Variants in SLC14A2 observed in about 807,000 individuals in gnomAD.
The protein encoded by SLC14A2 is solute carrier family 14 member 2.
A neutral mutation model predicts 104.6 loss-of-function variants in SLC14A2; 91 were observed. That is an observed-to-expected ratio of 0.87 (90% CI 0.73 to 1.04). The LOEUF is 1.04. Ranked by LOEUF, SLC14A2 falls within the 50% of genes least tolerant of loss-of-function variation. The probability of loss-of-function intolerance (pLI) is 0.00; values close to 1 mark genes in which losing one functional copy is unlikely to be tolerated. For missense variants in SLC14A2, 1,189 were observed against 1,156.0 expected, an observed-to-expected ratio of 1.03 and a Z score of -0.41; for synonymous variants, 476 against 466.4, an observed-to-expected ratio of 1.02 and a Z score of -0.27.
chr18:45,544,513 A>G (rs1408500706), intron 2 of SLC14A2, among the ~76,000 whole-genome samples: 4 of 152,148 alleles, frequency 2.6e-5, no homozygotes, highest in Admixed American at 2.6e-4. Context: ...AAAACGACAC[A>G]AAAACATCAA....
intron 2 of SLC14A2, among the ~76,000 whole-genome samples, chr18:45,569,042 C>T (rs1457967876): frequency 1.3e-5 from 2 of 152,130 alleles, no homozygotes; most frequent in Non-Finnish European, 2.9e-5. Context: ...GAAGTGCCCA[C>T]CTCTCCCATT....
chr18:45,511,675 T>C (rs1466112637), intron 2 of SLC14A2, among the ~76,000 whole-genome samples: 1 of 152,142 alleles, frequency 6.6e-6, no homozygotes, highest in African/African-American at 2.4e-5. Context: ...GTGTATGTGT[T>C]TGAGAAAGAA....
At chr18:45,680,491 T>A (rs1428013087) in intron 19 of SLC14A2, among the ~76,000 whole-genome samples, 1 of 152,220 alleles carries the variant, frequency 6.6e-6, no homozygotes, top group African/African-American at 2.4e-5. Flanking sequence ...CACAATGTCA[T>A]CGAGGAACAG....
intron 1 of SLC14A2, among the ~76,000 whole-genome samples, chr18:45,363,161 G>A (rs1453285088): frequency 6.6e-6 from 1 of 152,016 alleles, no homozygotes; most frequent in Non-Finnish European, 1.5e-5. Flanking sequence ...ACCTTGAATA[G>A]TCCCTTTTTA....
At chr18:45,183,157 C>T in the SLC14A2 span, among the ~76,000 whole-genome samples, 1 of 152,186 alleles carries the variant, frequency 6.6e-6, no homozygotes, top group African/African-American at 2.4e-5. Context: ...TGCATTCCCA[C>T]TGAACCAGAT....
chr18:45,518,403 TC>T (rs1472122240), intron 2 of SLC14A2, among the ~76,000 whole-genome samples: 1 of 117,470 alleles, frequency 8.5e-6, no homozygotes, highest in Non-Finnish European at 2.1e-5. Context: ...TTGTCTTCAT[TC>T]ATTCATTCAT....
At chr18:45,371,161 C>T (rs1568171097) in intron 1 of SLC14A2, among the ~76,000 whole-genome samples, 1 of 152,116 alleles carries the variant, frequency 6.6e-6, no homozygotes, top group Non-Finnish European at 1.5e-5. Flanking sequence ...GATCTTGTAG[C>T]CCTGAGACAT....
intron 1 of SLC14A2, among the ~76,000 whole-genome samples, chr18:45,259,580 AAAGAT>A (rs2084514863): frequency 6.6e-6 from 1 of 152,208 alleles, no homozygotes; most frequent in African/African-American, 2.4e-5. Flanking sequence ...GGTGAAGAGT[AAAGAT>A]AAGAGTGATT....
chr18:45,378,427 A>G (rs2255757), intron 1 of SLC14A2, among the ~76,000 whole-genome samples: 1 of 152,082 alleles, frequency 6.6e-6, no homozygotes, highest in Non-Finnish European at 1.5e-5. Flanking sequence ...CCCTATCTCT[A>G]TTGAAAACTG....
intron 1 of SLC14A2, among the ~76,000 whole-genome samples, chr18:45,338,655 C>T (rs923601395): frequency 7.7e-6 from 1 of 129,086 alleles, no homozygotes; most frequent in African/African-American, 3.1e-5. Context: ...GACTGTTCCC[C>T]AGGCCATAGT....
chr18:45,582,979 C>T (rs1224259203), intron 2 of SLC14A2, among the ~76,000 whole-genome samples: 2 of 152,182 alleles, frequency 1.3e-5, no homozygotes, highest in East Asian at 3.8e-4. Flanking sequence ...CAGGGTCTAG[C>T]ATCAAAGCTT....
chr18:45,381,173 G>A (rs1393231821), intron 1 of SLC14A2, among the ~76,000 whole-genome samples: 1 of 152,212 alleles, frequency 6.6e-6, no homozygotes, highest in Non-Finnish European at 1.5e-5. Context: ...GCACTTGTTA[G>A]TGAATTATCT....
intron 2 of SLC14A2, among the ~76,000 whole-genome samples, chr18:45,483,875 T>C (rs115520966): frequency 3.7e-4 from 57 of 152,318 alleles, no homozygotes; most frequent in African/African-American, 1.2e-3. Context: ...TCTATACTTA[T>C]ATTAAGCACA....
At chr18:45,248,975 G>C (rs533807352) in intron 1 of SLC14A2, among the ~76,000 whole-genome samples, 1 of 152,250 alleles carries the variant, frequency 6.6e-6, no homozygotes, top group African/African-American at 2.4e-5. Flanking sequence ...TTTCATTGCT[G>C]TCCACGTTCC....
intron 2 of SLC14A2, chr18:45,529,194 T>G (rs1265692646): frequency 1.3e-5 from 2 of 152,114 alleles, no homozygotes; most frequent in African/African-American, 4.8e-5. Context: ...AATAACAAAT[T>G]ATTGGTGAGA....
At chr18:45,415,432 G>A (rs561608281) in intron 1 of SLC14A2, among the ~76,000 whole-genome samples, 5 of 152,096 alleles carry the variant, frequency 3.3e-5, no homozygotes, top group South Asian at 4.1e-4. Context: ...CTCTGTAATC[G>A]AGCCATCTTC....
At chr18:45,559,670 C>T (rs2044177225) in intron 2 of SLC14A2, among the ~76,000 whole-genome samples, 1 of 152,202 alleles carries the variant, frequency 6.6e-6, no homozygotes. Flanking sequence ...TGTACCAAAG[C>T]CTTCTCTAAT....
At chr18:45,641,390 T>TC (rs752314629) in intron 8 of SLC14A2, 47 bp downstream of exon 8, 4 of 1,606,850 alleles carry the variant, frequency 2.5e-6, no homozygotes, top group Non-Finnish European at 3.4e-6. Context: ...GGCTATTCCT[T>TC]CCCCCCTTGT....
At chr18:45,547,606 G>A (rs1385118374) in intron 2 of SLC14A2, among the ~76,000 whole-genome samples, 4 of 152,174 alleles carry the variant, frequency 2.6e-5, no homozygotes, top group Non-Finnish European at 4.4e-5. Flanking sequence ...GCCCCTTGTG[G>A]GCCTTCTGAT....
Sources: gnomAD v4.1 joint callset for allele counts (sites outside exome capture counted in the v4.1 genomes callset) on GRCh38, gnomAD v4.1.1 for gene constraint, MANE v1.5 for transcripts, NCBI Gene and HGNC (gene_info 2026-07-23, HGNC 2026-07-21) for gene names.